The following PLD1 variants were observed in gnomAD, a reference collection of about 807,000 sequenced individuals.
PLD1 encodes phospholipase D1, also known as choline phosphatase 1.
In PLD1, 112 loss-of-function variants were observed where a neutral mutation model predicts 137.1. That is an observed-to-expected ratio of 0.82 (90% CI 0.70 to 0.96). The LOEUF is 0.96. PLD1 is among the 40% of genes least tolerant of loss of function. The probability of loss-of-function intolerance (pLI) is 0.00; values close to 1 mark genes in which losing one functional copy is unlikely to be tolerated. For synonymous variants in PLD1, 431 were observed against 454.7 expected, an observed-to-expected ratio of 0.95 and a Z score of 0.66; for missense variants, 1,321 against 1,342.0, an observed-to-expected ratio of 0.98 and a Z score of 0.24.
At chr3:171,638,662 A>G (rs946160414) in intron 23 of PLD1, among the ~76,000 whole-genome samples, 1 of 152,172 alleles carries the variant, frequency 6.6e-6, no homozygotes, top group Non-Finnish European at 1.5e-5. Context: ...TTATTGCTCT[A>G]TTTAGAATTT....
Position 171,687,516 on chromosome 3 carries a change from G to A in PLD1, c.1608C>T (p.Pro536=). Residue 536 remains proline, a synonymous_variant, in exon 15 of 27, where the codon CCC becomes CCT. Transcript: ENST00000351298. The stretch of plus-strand genomic sequence containing the variant: ...CCACATCATCAATACTCTTCTGGAT[G>A]GGTAGGTTTTGAACAGGCTCATTTT... ...KDKNEPVQNL[P]IQKSIDDVDS... is the part of the protein sequence containing the mutation. 6.2e-7 allele frequency: 1 copy of A among 1,613,856 alleles called. No individual in the cohort carries two copies. Among genetic ancestry groups the A allele is most frequent in the African/African-American group, 1.3e-5 (1 of 75,004 alleles).
At chr3:171,764,523 C>A (rs1049089072) in intron 1 of PLD1, among the ~76,000 whole-genome samples, 1 of 152,028 alleles carries the variant, frequency 6.6e-6, no homozygotes, top group Non-Finnish European at 1.5e-5. Flanking sequence ...ACATGGCCTA[C>A]AACACACTCA....
intron 19 of PLD1, among the ~76,000 whole-genome samples, chr3:171,666,472 C>G (rs554997307): frequency 4.6e-4 from 70 of 152,382 alleles, no homozygotes; most frequent in African/African-American, 1.6e-3. Flanking sequence ...CCTCCCATGA[C>G]ATGTGGGGGA....
chr3:171,686,590 A>T (rs549722146), intron 16 of PLD1, 95 bp downstream of exon 16: 48 of 698,780 alleles, frequency 6.9e-5, no homozygotes, highest in Non-Finnish European at 1.0e-4. Context: ...GCAAACAGAA[A>T]GCCAATCTGG....
intron 16 of PLD1, among the ~76,000 whole-genome samples, chr3:171,683,563 T>C (rs1714229098): frequency 6.6e-6 from 1 of 152,240 alleles, no homozygotes; most frequent in African/African-American, 2.4e-5. Context: ...CATTCTTCTC[T>C]TTCTTTCGAT....
intron 1 of PLD1, among the ~76,000 whole-genome samples, chr3:171,762,627 G>A (rs1721480300): frequency 6.6e-6 from 1 of 152,192 alleles, no homozygotes. Context: ...AGACCAATTA[G>A]GAGCTCACGT....
intron 23 of PLD1, among the ~76,000 whole-genome samples, chr3:171,635,965 C>CTTTTTTTTTTTTTTGTTTTTTTTTTTT (rs1735080039): frequency 2.0e-5 from 1 of 49,252 alleles, no homozygotes; most frequent in Non-Finnish European, 4.4e-5. Flanking sequence ...GGTTCAACTT[C>CTTTTTTTTTTTTTTGTTTTTTTTTTTT]TTTTTTTTTT....
chr3:171,627,343 C>T (rs536804926), intron 23 of PLD1, among the ~76,000 whole-genome samples: 19 of 152,192 alleles, frequency 1.2e-4, no homozygotes, highest in African/African-American at 3.9e-4. Flanking sequence ...AATACAGGAG[C>T]ACCCAGATTC....
At chr3:171,631,268 C>T (rs780082230) in intron 23 of PLD1, among the ~76,000 whole-genome samples, 3 of 151,944 alleles carry the variant, frequency 2.0e-5, no homozygotes, top group Non-Finnish European at 4.4e-5. Flanking sequence ...GCCAGCAATC[C>T]CAAACCTATT....
intron 23 of PLD1, among the ~76,000 whole-genome samples, chr3:171,637,905 G>A (rs1735269084): frequency 6.6e-6 from 1 of 152,072 alleles, no homozygotes; most frequent in African/African-American, 2.4e-5. Context: ...AACCAGCTGG[G>A]CACGGTGGCT....
chr3:171,677,509 A>C, intron 17 of PLD1, 57 bp downstream of exon 17: 2 of 1,529,516 alleles, frequency 1.3e-6, no homozygotes, highest in Non-Finnish European at 1.8e-6. Context: ...ATACTTGCTG[A>C]GATGTTCAAA....
intron 19 of PLD1, chr3:171,666,428 C>T (rs912993492): frequency 2.0e-5 from 3 of 152,242 alleles, no homozygotes; most frequent in African/African-American, 7.2e-5. Flanking sequence ...CGGGAAAGAC[C>T]TACTCTCATG....
intron 19 of PLD1, among the ~76,000 whole-genome samples, chr3:171,665,408 A>G (rs1028331398): frequency 2.0e-5 from 3 of 152,102 alleles, no homozygotes; most frequent in Non-Finnish European, 2.9e-5. Context: ...CCAAAAGAAG[A>G]CCATTTTATG....
intron 11 of PLD1, among the ~76,000 whole-genome samples, chr3:171,702,480 C>T (rs940074990): frequency 6.7e-6 from 1 of 150,364 alleles, no homozygotes; most frequent in African/African-American, 2.4e-5. Flanking sequence ...AAAGGAAGAC[C>T]CTGTCTCAAA....
chr3:171,623,030 G>C (rs1733767695), intron 23 of PLD1, among the ~76,000 whole-genome samples: 1 of 151,950 alleles, frequency 6.6e-6, no homozygotes, highest in Admixed American at 6.6e-5. Context: ...CAAGACACAA[G>C]AGTAGACTTG....
chr3:171,724,303 C>T (rs1471045889), intron 8 of PLD1, among the ~76,000 whole-genome samples: 2 of 152,192 alleles, frequency 1.3e-5, no homozygotes, highest in African/African-American at 4.8e-5. Context: ...ACACCCTCAC[C>T]ACCATTTGTT....
Position 171,662,011 on chromosome 3 carries a change from A to G in PLD1, c.2340+49T>C, listed in dbSNP as rs1160692041. The G allele has an allele frequency of 2.9e-6, 3 of 1,032,872 alleles. No homozygotes were observed. In the South Asian group the frequency reaches 4.0e-5, roughly 14 times the overall value. The allele number at this position is 1,032,872 out of a possible 1,614,324, so 64.0% of individuals were successfully genotyped here. A position where few individuals can be genotyped will look rare whatever the true frequency, so the allele number is the denominator to read the frequency against. ...GGGGACCCTGAAATCTCTGCATGAT[A>G]TTTAAGGGAAGGCAGTTTCTCACAC... is the stretch of plus-strand genomic sequence containing the variant. On this transcript the variant is annotated intron_variant, in intron 20 of 26. Coordinates refer to ENST00000351298, the MANE Select transcript of PLD1 (RefSeq NM_002662.5).
rs1202980858 is a variant in PLD1, at chr3:171,686,814, A to T, written c.1754-16T>A. The T allele has an allele frequency of 8.1e-6, 10 of 1,236,508 alleles. No homozygotes were observed. The highest frequency in any genetic ancestry group is 7.8e-5 in the South Asian group (6 of 76,982). 76.6% of individuals were successfully genotyped at this position (1,236,508 alleles called of 1,614,324 possible). A position where few individuals can be genotyped will look rare whatever the true frequency, so the allele number is the denominator to read the frequency against. On this transcript the variant is annotated splice_polypyrimidine_tract_variant and intron_variant, in intron 15 of 26. Coordinates refer to ENST00000351298, the MANE Select transcript of PLD1 (RefSeq NM_002662.5). The stretch of plus-strand genomic sequence containing the variant: ...TTAAAATAACCTAGAGAAATTAAGA[A>T]TTTTTTTACAAAAAAATACAAATAT...
intron 11 of PLD1, among the ~76,000 whole-genome samples, chr3:171,705,138 C>T (rs929628573): frequency 5.3e-5 from 8 of 151,890 alleles, no homozygotes; most frequent in Admixed American, 1.3e-4. Context: ...CCTGTCATAG[C>T]GGAAAGAGTC....
Sources: gnomAD v4.1 joint callset for allele counts (sites outside exome capture counted in the v4.1 genomes callset) on GRCh38, gnomAD v4.1.1 for gene constraint, MANE v1.5 for transcripts, NCBI Gene and HGNC (gene_info 2026-07-23, HGNC 2026-07-21) for gene names.